Variants in FANCA observed in about 807,000 individuals in gnomAD.
FANCA encodes FA complementation group A, also known as Fanconi anemia group A protein.
FANCA carries 236 observed loss-of-function variants against 194.3 expected under a neutral mutation model. The ratio of observed to expected loss-of-function variants is 1.21; its 90% CI spans 1.09 to 1.35. The LOEUF is 1.35. FANCA is among the 40% of genes most tolerant of loss of function. FANCA has a pLI of 0.00. For missense variants in FANCA, 2,628 were observed against 1,813.9 expected (o/e 1.45, Z -8.15); for synonymous variants, 1,014 against 715.8 (o/e 1.42, Z -6.65).
intron 20 of FANCA, among the ~76,000 whole-genome samples, chr16:89,776,446 C>G (rs561077749): frequency 4.0e-5 from 6 of 151,374 alleles, no homozygotes; most frequent in African/African-American, 1.5e-4. Flanking sequence ...GGATTACAGG[C>G]GTGAGCCACC....
chr16:89,749,992 T>C (rs1467969357), intron 31 of FANCA, 90 bp from the exon 32 acceptor site: 1 of 1,361,914 alleles, frequency 7.3e-7, no homozygotes, highest in African/African-American at 1.4e-5. Context: ...CAGGGAGAGG[T>C]CTCCACAGTG....
chr16:89,801,431 AATTATC>A (rs1292842186), intron 8 of FANCA, among the ~76,000 whole-genome samples: 5 of 152,178 alleles, frequency 3.3e-5, no homozygotes, highest in Admixed American at 1.3e-4. Context: ...CTCCAGTTAG[AATTATC>A]ATTATCAAGA....
At chr16:89,771,238 C>A (rs909309120) in intron 23 of FANCA, among the ~76,000 whole-genome samples, 1 of 151,200 alleles carries the variant, frequency 6.6e-6, no homozygotes, top group Non-Finnish European at 1.5e-5. Context: ...GCAGACAGAT[C>A]ACTTGACCTC....
intron 7 of FANCA, among the ~76,000 whole-genome samples, chr16:89,804,173 C>G (rs1028455293): frequency 6.6e-6 from 1 of 152,144 alleles, no homozygotes; most frequent in African/African-American, 2.4e-5. Context: ...TGCTAAGTCG[C>G]TCATGCCACC....
intron 37 of FANCA, among the ~76,000 whole-genome samples, chr16:89,742,256 C>T (rs896350013): frequency 6.6e-6 from 1 of 151,816 alleles, no homozygotes; most frequent in Non-Finnish European, 1.5e-5. Flanking sequence ...GGATTACAGG[C>T]ATGAGCCACC....
chr16:89,779,116 G>A (rs1219658995), intron 18 of FANCA, 113 bp from the exon 19 acceptor site: 5 of 942,984 alleles, frequency 5.3e-6, no homozygotes, highest in Admixed American at 3.9e-5. Context: ...CCAAAGCCAC[G>A]ATGCATTATG....
chr16:89,791,565 C>T (rs1273620904), intron 13 of FANCA, 29 bp from the exon 14 acceptor site: 1 of 1,613,302 alleles, frequency 6.2e-7, no homozygotes, highest in South Asian at 1.1e-5. Flanking sequence ...ATAGTCACAG[C>T]AAGGCAAGGG....
In FANCA at chr16:89,806,347, C is replaced by CTTTTT. The variant is rs34862478; in HGVS notation, c.597-960_597-956dup. Among the ~76,000 whole-genome samples the CTTTTT allele has an allele frequency of 5.2e-3, 578 of 110,326 alleles. 18 individuals carry two copies. Among genetic ancestry groups the CTTTTT allele is most frequent in the East Asian group, 0.015 (47 of 3,218 alleles). 72.4% of individuals were successfully genotyped at this position (110,326 alleles called of 152,430 possible). A position where few individuals can be genotyped will look rare whatever the true frequency, so the allele number is the denominator to read the frequency against. ...TGCAGCATTCAACTTCTATATCATT[C>CTTTTT]TTTTTTTTTTTTTTTTTTTTAATTG... On this transcript the variant is annotated intron_variant, in intron 6 of 42. Coordinates refer to ENST00000389301, the MANE Select transcript of FANCA (RefSeq NM_000135.4).
intron 14 of FANCA, among the ~76,000 whole-genome samples, chr16:89,789,721 G>A (rs895780857): frequency 1.2e-4 from 19 of 152,076 alleles, no homozygotes; most frequent in Non-Finnish European, 2.2e-4. Context: ...TTACAGGCAT[G>A]AGCCACTGTA....
In FANCA at chr16:89,787,325, C is replaced by T. The variant is rs1418767270; in HGVS notation, c.1360-2361G>A. Among the ~76,000 whole-genome samples the T allele has an allele frequency of 2.0e-5, 3 of 152,062 alleles. No homozygotes were observed. In the East Asian group the frequency reaches 5.8e-4, roughly 29 times the overall value. On this transcript the variant is annotated intron_variant, in intron 14 of 42. Transcript: ENST00000389301. ...GATCACGAGTTCAGGAGATCGAGAC[C>T]ATCCTGGCTAACCCGGTGAAACCCT...
intron 31 of FANCA, 36 bp from the exon 32 acceptor site, chr16:89,749,938 CG>C: frequency 6.2e-7 from 1 of 1,611,664 alleles, no homozygotes; most frequent in Non-Finnish European, 8.5e-7. Context: ...AGGAAGGCCT[CG>C]GGGCTCACTG....
Position 89,807,581 on chromosome 16 carries a change from C to G in FANCA, c.596+713G>C, listed in dbSNP as rs545161535. 3.3e-5 allele frequency among the ~76,000 whole-genome samples: 5 copies of G among 152,232 alleles called. 1 individual carries two copies. The South Asian group carries it at 8.3e-4, about 25-fold the overall frequency. On this transcript the variant is annotated intron_variant, in intron 6 of 42. Transcript: ENST00000389301. ...CCTGGCTAACATGGCGAAACCACATCTCTACTAAAAATAACAAAAATTGCC... is the reference window on the plus strand; with the variant it reads ...CCTGGCTAACATGGCGAAACCACATGTCTACTAAAAATAACAAAAATTGCC...
chr16:89,748,719 C>G lies in FANCA; in HGVS notation c.3288G>C (p.Gln1096His), dbSNP rs1433848980. The G allele has an allele frequency of 1.2e-6, 2 of 1,614,128 alleles. No individual in the cohort carries two copies. The highest frequency in any genetic ancestry group is 1.7e-5 in the Admixed American group (1 of 60,032). Residue 1096 changes from glutamine (Q) to histidine (H), a missense_variant, in exon 33 of 43, where the codon CAG (glutamine) becomes CAC (histidine). Transcript: ENST00000389301. Reference protein sequence around the residue: ...PSSVLCGSSFQAEQPITARCE... With the variant: ...PSSVLCGSSFHAEQPITARCE... ...ATCTGGCAGTGATGGGCTGTTCTGC[C>G]TGGAAGCTGCTGCCGCAGAGGACAG...
At chr16:89,810,523 T>C in intron 5 of FANCA, 184 bp downstream of exon 5, 3 of 613,092 alleles carry the variant, frequency 4.9e-6, no homozygotes, top group Non-Finnish European at 8.7e-6. Context: ...GGACAAAAAA[T>C]GGCAATTGAA....
chr16:89,816,616 G>A lies in FANCA; in HGVS notation c.-1C>T, dbSNP rs373787342. On this transcript the variant is annotated 5_prime_UTR_variant, in exon 1 of 43. Coordinates refer to ENST00000389301, the MANE Select transcript of FANCA (RefSeq NM_000135.4). ...AGTTCGGGACCCACGAGTCGGACAT[G>A]GCCTTGGCGCCTACAGCCCCGGCGG... 3.0e-5 allele frequency: 46 copies of A among 1,523,620 alleles called. No homozygotes were observed. The highest frequency in any genetic ancestry group is 3.7e-5 in the Non-Finnish European group (42 of 1,143,362). The allele number at this position is 1,523,620 out of a possible 1,614,324, so 94.4% of individuals were successfully genotyped here. A position where few individuals can be genotyped will look rare whatever the true frequency, so the allele number is the denominator to read the frequency against.
At chr16:89,739,625 G>C in intron 39 of FANCA, 72 bp from the exon 40 acceptor site, 2 of 1,528,708 alleles carry the variant, frequency 1.3e-6, no homozygotes, top group Non-Finnish European at 1.8e-6. Context: ...GACACCCCTG[G>C]GGGTCGGGAC....
At chr16:89,740,778 A>G in intron 38 of FANCA, 26 bp downstream of exon 38, 17 of 1,609,450 alleles carry the variant, frequency 1.1e-5, no homozygotes, top group Non-Finnish European at 1.4e-5. Context: ...GGGAGAGGAC[A>G]CCTTGGCTGG....
At chr16:89,796,760 T>A (rs915213371) in intron 10 of FANCA, among the ~76,000 whole-genome samples, 2 of 152,216 alleles carry the variant, frequency 1.3e-5, no homozygotes, top group Admixed American at 6.5e-5. Flanking sequence ...CGGTGGCTCA[T>A]GCCTGTAATC....
chr16:89,737,558 T>G lies in FANCA; in HGVS notation c.*1043A>C. ...AGACAAGAATCTGTGGTTAAGGAAA[T>G]AGCTTTCTGAGGTTTCTTTAAAAAC... On this transcript the variant is annotated 3_prime_UTR_variant, in exon 43 of 43. Transcript: ENST00000389301. 1 of 555,736 alleles carries G rather than the reference T, an allele frequency of 1.8e-6. No individual in the cohort carries two copies. The highest frequency in any genetic ancestry group is 2.6e-5 in the South Asian group (1 of 38,120). 34.4% of individuals were successfully genotyped at this position (555,736 alleles called of 1,614,324 possible).
Sources: allele counts gnomAD v4.1 joint callset (sites outside exome capture counted in the v4.1 genomes callset), GRCh38; gene constraint gnomAD v4.1.1; transcripts MANE v1.5; gene names NCBI Gene and HGNC (gene_info 2026-07-23, HGNC 2026-07-21).